Variants in CLSTN2 observed in about 807,000 individuals in gnomAD.
The protein encoded by CLSTN2 is calsyntenin-2.
In CLSTN2, 48 loss-of-function variants were observed where a neutral mutation model predicts 101.2. The observed-to-expected ratio is 0.47, with a 90% confidence interval of 0.38 to 0.60. CLSTN2 has a LOEUF of 0.60. CLSTN2 is among the 20% of genes least tolerant of loss of function. The probability of loss-of-function intolerance (pLI) is 0.00; values close to 1 mark genes in which losing one functional copy is unlikely to be tolerated. For synonymous variants in CLSTN2, 481 were observed against 463.6 expected (o/e 1.04, Z -0.48); for missense variants, 1,160 against 1,238.2 (o/e 0.94, Z 0.95).
At chr3:139,950,202 GCTGGTTTGGTT>G (rs1482578662) in intron 1 of CLSTN2, among the ~76,000 whole-genome samples, 1 of 152,146 alleles carries the variant, frequency 6.6e-6, no homozygotes, top group Non-Finnish European at 1.5e-5. Context: ...ATAAGGATAG[GCTGGTTTGGTT>G]CTGAGTGATA....
chr3:140,208,109 T>C (rs1293478757), intron 2 of CLSTN2, among the ~76,000 whole-genome samples: 1 of 152,184 alleles, frequency 6.6e-6, no homozygotes, highest in Non-Finnish European at 1.5e-5. Flanking sequence ...TAAACTGTAT[T>C]TGTCTAATCC....
intron 2 of CLSTN2, among the ~76,000 whole-genome samples, chr3:140,342,345 G>A (rs551649387): frequency 6.6e-6 from 1 of 152,222 alleles, no homozygotes; most frequent in African/African-American, 2.4e-5. Context: ...TCCCTTGGGG[G>A]ACAAAATCGC....
At chr3:140,360,816 G>GA (rs1169926982) in intron 2 of CLSTN2, among the ~76,000 whole-genome samples, 1 of 152,042 alleles carries the variant, frequency 6.6e-6, no homozygotes, top group African/African-American at 2.4e-5. Context: ...AAAAGAAATA[G>GA]AAAATCAGAA....
At chr3:140,251,211 A>G (rs1017783256) in intron 2 of CLSTN2, among the ~76,000 whole-genome samples, 1 of 152,146 alleles carries the variant, frequency 6.6e-6, no homozygotes, top group African/African-American at 2.4e-5. Flanking sequence ...ATGTTGCCAG[A>G]TAGTGACTTC....
chr3:140,565,628 G>A (rs1222559538), intron 16 of CLSTN2, among the ~76,000 whole-genome samples: 5 of 152,158 alleles, frequency 3.3e-5, no homozygotes, highest in Non-Finnish European at 5.9e-5. Context: ...GACATTGCAT[G>A]CACACTTGGA....
At chr3:140,521,020 G>A (rs553554149) in intron 8 of CLSTN2, among the ~76,000 whole-genome samples, 16 of 145,462 alleles carry the variant, frequency 1.1e-4, no homozygotes, top group South Asian at 8.8e-4. Flanking sequence ...CTCCCATATC[G>A]TTTTATCATG....
At chr3:140,448,825 C>A in intron 6 of CLSTN2, 121 bp downstream of exon 6, 1 of 844,466 alleles carries the variant, frequency 1.2e-6, no homozygotes, top group Non-Finnish European at 1.8e-6. Context: ...ATATGTGTAA[C>A]TCCTGGATGG....
intron 2 of CLSTN2, among the ~76,000 whole-genome samples, chr3:140,229,944 T>A (rs866433201): frequency 2.6e-5 from 4 of 152,078 alleles, no homozygotes; most frequent in African/African-American, 9.7e-5. Context: ...GGTAGCCCAG[T>A]TTATTTTTTT....
At chr3:139,975,607 C>T (rs1042613249) in intron 1 of CLSTN2, among the ~76,000 whole-genome samples, 9 of 152,162 alleles carry the variant, frequency 5.9e-5, no homozygotes, top group Non-Finnish European at 1.2e-4. Context: ...CCCTCAGACA[C>T]ATGTGAAGAT....
At chr3:140,135,164 A>AAT (rs2009597055) in intron 1 of CLSTN2, among the ~76,000 whole-genome samples, 1 of 124,096 alleles carries the variant, frequency 8.1e-6, no homozygotes, top group Non-Finnish European at 1.7e-5. Context: ...ATATATATAA[A>AAT]ATATGCTGGG....
intron 5 of CLSTN2, among the ~76,000 whole-genome samples, chr3:140,430,018 T>C (rs2088611622): frequency 6.6e-6 from 1 of 152,062 alleles, no homozygotes; most frequent in South Asian, 2.1e-4. Flanking sequence ...CTTCCAAAAG[T>C]CAGATGGGTT....
chr3:140,147,606 A>G (rs562409787), intron 1 of CLSTN2, among the ~76,000 whole-genome samples: 25 of 152,342 alleles, frequency 1.6e-4, no homozygotes, highest in Non-Finnish European at 3.1e-4. Context: ...TGAACAATGA[A>G]TATTAATTGA....
At chr3:140,483,130 C>A (rs750876222) in intron 8 of CLSTN2, among the ~76,000 whole-genome samples, 8 of 152,148 alleles carry the variant, frequency 5.3e-5, no homozygotes, top group Non-Finnish European at 1.0e-4. Flanking sequence ...CCCAGACATT[C>A]TGGTATGTTG....
At chr3:140,095,852 A>G (rs1336961221) in intron 1 of CLSTN2, among the ~76,000 whole-genome samples, 2 of 152,116 alleles carry the variant, frequency 1.3e-5, no homozygotes, top group Admixed American at 1.3e-4. Context: ...CCCGTAAATT[A>G]GTGTTAGGAC....
intron 1 of CLSTN2, among the ~76,000 whole-genome samples, chr3:140,144,951 C>T (rs1231941098): frequency 6.6e-6 from 1 of 152,234 alleles, no homozygotes; most frequent in Non-Finnish European, 1.5e-5. Flanking sequence ...GTGAAAGAGG[C>T]TCTCACCTCT....
Position 140,566,141 on chromosome 3 carries a change from C to A in CLSTN2, c.2756C>A (p.Ser919Tyr), listed in dbSNP as rs774081062. The change falls in exon 17 of 17, where the codon TCT becomes TAT. Residue 919 changes from serine to tyrosine, a missense_variant. Coordinates refer to ENST00000458420, the MANE Select transcript of CLSTN2 (RefSeq NM_022131.3). The stretch of plus-strand genomic sequence containing the variant: ...GAAGAAATGAGCTCCAGCAGTGGCT[C>A]TGACGACAGCGAAGAGGAGGAGGAG... ...AEEEMSSSSGSDDSEEEEEEE... is the reference protein window; with the variant it reads ...AEEEMSSSSGYDDSEEEEEEE... 6.2e-7 allele frequency: 1 copy of A among 1,612,508 alleles called. No individual in the cohort carries two copies. Among genetic ancestry groups the A allele is most frequent in the Admixed American group, 1.7e-5 (1 of 59,984 alleles).
intron 9 of CLSTN2, among the ~76,000 whole-genome samples, chr3:140,543,143 T>C (rs1036822295): frequency 2.0e-5 from 3 of 152,146 alleles, no homozygotes; most frequent in Non-Finnish European, 2.9e-5. Flanking sequence ...CAGTAAATGA[T>C]AGTAGTTGTT....
At chr3:140,498,348 CT>C (rs1294129940) in intron 8 of CLSTN2, among the ~76,000 whole-genome samples, 3 of 152,148 alleles carry the variant, frequency 2.0e-5, no homozygotes, top group African/African-American at 7.2e-5. Context: ...GGGAGCCCCC[CT>C]AATGGAGTGA....
At chr3:140,102,246 G>A (rs933237496) in intron 1 of CLSTN2, among the ~76,000 whole-genome samples, 5 of 152,154 alleles carry the variant, frequency 3.3e-5, no homozygotes, top group South Asian at 2.1e-4. Flanking sequence ...ACATGTTCTC[G>A]AAGACGGAGT....
Sources: gnomAD v4.1 joint callset for allele counts (sites outside exome capture counted in the v4.1 genomes callset) on GRCh38, gnomAD v4.1.1 for gene constraint, MANE v1.5 for transcripts, NCBI Gene and HGNC (gene_info 2026-07-23, HGNC 2026-07-21) for gene names.